The following SPOPL variants were observed in gnomAD, a reference collection of about 807,000 sequenced individuals.
SPOPL encodes the protein speckle type BTB/POZ protein like.
SPOPL carries 23 observed loss-of-function variants against 53.8 expected under a neutral mutation model. The ratio of observed to expected loss-of-function variants is 0.43; its 90% CI spans 0.31 to 0.61. The LOEUF (loss-of-function observed/expected upper bound fraction) is 0.61, where lower values mean the gene tolerates loss of function less well. SPOPL is among the 20% of genes least tolerant of loss of function. SPOPL has a pLI of 0.12. For synonymous variants in SPOPL, 164 were observed against 149.7 expected, an observed-to-expected ratio of 1.10 and a Z score of -0.70; for missense variants, 442 against 466.9, an observed-to-expected ratio of 0.95 and a Z score of 0.49.
intron 1 of SPOPL, among the ~76,000 whole-genome samples, chr2:138,547,678 A>G (rs539484630): frequency 1.3e-5 from 2 of 152,280 alleles, no homozygotes; most frequent in Non-Finnish European, 2.9e-5. Flanking sequence ...TGAAATATGA[A>G]TAAATAAAAA....
intron 1 of SPOPL, among the ~76,000 whole-genome samples, chr2:138,513,156 G>T (rs1410563405): frequency 1.3e-5 from 2 of 152,198 alleles, no homozygotes; most frequent in African/African-American, 4.8e-5. Flanking sequence ...GATGGCTCAC[G>T]CCTGTAATCC....
intron 10 of SPOPL, among the ~76,000 whole-genome samples, chr2:138,566,925 G>A (rs1573912986): frequency 6.6e-6 from 1 of 152,294 alleles, no homozygotes. Flanking sequence ...AACACAAATA[G>A]GAGTTAGCAG....
chr2:138,550,899 T>G lies in SPOPL; in HGVS notation c.201-4T>G, dbSNP rs768710126. On this transcript the variant is annotated splice_region_variant and splice_polypyrimidine_tract_variant and intron_variant, in intron 3 of 10. Transcript: ENST00000280098. ...CTCCATGTGAGCTTATTGTTTTATT[T>G]TAGGTGCCTGAGGGTAAACCCAAAG... is the stretch of plus-strand genomic sequence containing the variant. 1.2e-6 allele frequency: 2 copies of G among 1,604,152 alleles called. No homozygotes were observed. The highest frequency in any genetic ancestry group is 2.2e-5 in the South Asian group (2 of 89,196).
At chr2:138,536,795 TG>T (rs745838844) in intron 1 of SPOPL, among the ~76,000 whole-genome samples, 45 of 152,224 alleles carry the variant, frequency 3.0e-4, no homozygotes, top group Admixed American at 6.5e-4. Context: ...TTCTTTTCTC[TG>T]GGAAGAGATT....
At chr2:138,538,788 T>C (rs186163920) in intron 1 of SPOPL, among the ~76,000 whole-genome samples, 27 of 152,216 alleles carry the variant, frequency 1.8e-4, no homozygotes, top group African/African-American at 6.5e-4. Flanking sequence ...AGGGTTCATG[T>C]GCACAACGTG....
chr2:138,571,534 A>C lies in SPOPL; in HGVS notation c.*2454A>C, dbSNP rs1027997664. The C allele has an allele frequency of 6.6e-6, 1 of 152,426 alleles. No homozygotes were observed. The highest frequency in any genetic ancestry group is 1.5e-5 in the Non-Finnish European group (1 of 67,964). The allele number at this position is 152,426 out of a possible 1,614,324, so 9.4% of individuals were successfully genotyped here. A position where few individuals can be genotyped will look rare whatever the true frequency, so the allele number is the denominator to read the frequency against. On this transcript the variant is annotated 3_prime_UTR_variant, in exon 11 of 11. Transcript: ENST00000280098. ...TACTAACAGAATCATATGGTAGTTG[A>C]TTTATTTTTTTATTTATTATGTATA...
chr2:138,517,493 C>A (rs1046685112), intron 1 of SPOPL, among the ~76,000 whole-genome samples: 2 of 152,132 alleles, frequency 1.3e-5, no homozygotes, highest in African/African-American at 4.8e-5. Context: ...GTAATCCCAG[C>A]AGTTTGGGAG....
At chr2:138,546,687 C>G (rs933343631) in intron 1 of SPOPL, among the ~76,000 whole-genome samples, 1 of 152,128 alleles carries the variant, frequency 6.6e-6, no homozygotes, top group Admixed American at 6.5e-5. Context: ...AGAGCATTGA[C>G]TTTGGAGCCA....
intron 1 of SPOPL, among the ~76,000 whole-genome samples, chr2:138,511,406 A>G (rs555021667): frequency 5.8e-4 from 88 of 152,340 alleles, no homozygotes; most frequent in Non-Finnish European, 1.0e-3. Context: ...CAGTGTAAAG[A>G]TAACCTTTAC....
At chr2:138,515,293 T>C (rs912955084) in intron 1 of SPOPL, among the ~76,000 whole-genome samples, 7 of 152,214 alleles carry the variant, frequency 4.6e-5, no homozygotes, top group African/African-American at 1.7e-4. Flanking sequence ...AAAGCTCTAA[T>C]TACACAATGC....
chr2:138,534,909 A>T lies in SPOPL; in HGVS notation c.-60-15248A>T, dbSNP rs1014822835. ...AGCATAATGTTTTCAAGATTCATTC[A>T]TGTTGTAACATGCATCAATACTTTA... On this transcript the variant is annotated intron_variant, in intron 1 of 10. Transcript: ENST00000280098. Among the ~76,000 whole-genome samples, 4 of 152,344 alleles carry T rather than the reference A, an allele frequency of 2.6e-5. No individual in the cohort carries two copies. In the East Asian group the frequency reaches 7.7e-4, roughly 29 times the overall value.
chr2:138,512,035 T>C (rs1684335065), intron 1 of SPOPL, among the ~76,000 whole-genome samples: 1 of 152,226 alleles, frequency 6.6e-6, no homozygotes, highest in Non-Finnish European at 1.5e-5. Flanking sequence ...TTAAATGCTT[T>C]GCATATATAT....
intron 5 of SPOPL, among the ~76,000 whole-genome samples, chr2:138,557,030 C>T (rs1217746909): frequency 6.6e-6 from 1 of 152,046 alleles, no homozygotes; most frequent in Non-Finnish European, 1.5e-5. Flanking sequence ...GTGGCAGGCA[C>T]CTGTAGTCCC....
intron 1 of SPOPL, among the ~76,000 whole-genome samples, chr2:138,541,057 A>G (rs1685061097): frequency 6.6e-6 from 1 of 152,026 alleles, no homozygotes; most frequent in African/African-American, 2.4e-5. Flanking sequence ...ATTGATTTGC[A>G]TATGTTGAAG....
chr2:138,547,324 A>G (rs1380417935), intron 1 of SPOPL, among the ~76,000 whole-genome samples: 1 of 152,190 alleles, frequency 6.6e-6, no homozygotes, highest in African/African-American at 2.4e-5. Context: ...ATTTTTATAT[A>G]TGAGGTCTGT....
intron 8 of SPOPL, among the ~76,000 whole-genome samples, chr2:138,563,595 T>A (rs186794856): frequency 6.6e-6 from 1 of 152,164 alleles, no homozygotes; most frequent in Non-Finnish European, 1.5e-5. Flanking sequence ...CCATACTAAG[T>A]GTTATCAAGG....
chr2:138,546,838 C>T (rs558989400), intron 1 of SPOPL, among the ~76,000 whole-genome samples: 1 of 152,348 alleles, frequency 6.6e-6, no homozygotes, highest in East Asian at 1.9e-4. Context: ...TTGTAAAGTG[C>T]TCACACATAC....
At chr2:138,514,060 T>G (rs963750548) in intron 1 of SPOPL, among the ~76,000 whole-genome samples, 9 of 152,196 alleles carry the variant, frequency 5.9e-5, no homozygotes, top group Non-Finnish European at 7.3e-5. Flanking sequence ...CTTCTTACCT[T>G]AAACATACAT....
chr2:138,536,200 C>T (rs1684928679), intron 1 of SPOPL, among the ~76,000 whole-genome samples: 1 of 151,952 alleles, frequency 6.6e-6, no homozygotes, highest in Admixed American at 6.6e-5. Context: ...TTTTTCATGC[C>T]TCGTAATTTT....
Sources: allele counts gnomAD v4.1 joint callset (sites outside exome capture counted in the v4.1 genomes callset), GRCh38; gene constraint gnomAD v4.1.1; transcripts MANE v1.5; gene names NCBI Gene and HGNC (gene_info 2026-07-23, HGNC 2026-07-21).